The following SORBS3 variants were observed in gnomAD, a reference collection of about 807,000 sequenced individuals.
SORBS3 encodes the protein sorbin and SH3 domain containing 3.
In SORBS3, 69 loss-of-function variants were observed where a neutral mutation model predicts 98.0. That is an observed-to-expected ratio of 0.70 (90% confidence interval 0.58 to 0.86). The LOEUF (loss-of-function observed/expected upper bound fraction) is 0.86, where lower values mean the gene tolerates loss of function less well. SORBS3 is among the 40% of genes least tolerant of loss of function. The pLI, the probability that SORBS3 is intolerant of heterozygous loss-of-function variation, is 0.00. For missense variants in SORBS3, 954 were observed against 908.5 expected (o/e 1.05, Z -0.64); for synonymous variants, 394 against 355.4 (o/e 1.11, Z -1.22).
chr8:22,553,590 CAGA>C lies in SORBS3; in HGVS notation c.-55-856_-55-854del, dbSNP rs773141113. On this transcript the variant is annotated intron_variant, in intron 1 of 20. Transcript: ENST00000240123. ...CCCCTTCCCCAGCCTTGGGATGAGG[CAGA>C]AGAAGCTGGCTGTGGGCAGGCATGG... is the stretch of plus-strand genomic sequence containing the variant. Among the ~76,000 whole-genome samples the C allele has an allele frequency of 3.9e-5, 6 of 152,354 alleles. No individual in the cohort carries two copies. The South Asian group carries it at 6.2e-4, about 16-fold the overall frequency.
upstream of SORBS3, chr8:22,551,809 C>T (rs1218884706): frequency 8.1e-6 from 8 of 985,956 alleles, no homozygotes; most frequent in Non-Finnish European, 9.6e-6. The surrounding 1 kb of genome is among the most constrained non-coding windows in gnomAD (Gnocchi z 5.8). Context: ...GCGACTCTCA[C>T]GGTCCGGCCT....
intron 6 of SORBS3, chr8:22,561,591 C>A: frequency 1.6e-6 from 1 of 617,664 alleles, no homozygotes. Flanking sequence ...TCTGCCACTC[C>A]CTGGCCGGGA....
At chr8:22,561,723 C>G in intron 6 of SORBS3, 142 bp from the exon 7 acceptor site, 1 of 735,350 alleles carries the variant, frequency 1.4e-6, no homozygotes, top group Admixed American at 2.2e-5. Context: ...TGTCCCTGAG[C>G]ACCAACCACC....
At chr8:22,555,190 G>A (rs1840162236) in intron 3 of SORBS3, among the ~76,000 whole-genome samples, 1 of 152,230 alleles carries the variant, frequency 6.6e-6, no homozygotes, top group Non-Finnish European at 1.5e-5. Flanking sequence ...AGAGCAGGCT[G>A]ATGCATCCCT....
upstream of SORBS3, among the ~76,000 whole-genome samples, chr8:22,549,669 A>G (rs908065357): frequency 1.3e-5 from 2 of 152,032 alleles, no homozygotes; most frequent in Non-Finnish European, 2.9e-5. Context: ...GCCCAGGCCT[A>G]AGTAGACAGG....
chr8:22,560,959 G>T, intron 5 of SORBS3: 1 of 209,902 alleles, frequency 4.8e-6, no homozygotes, highest in Non-Finnish European at 9.4e-6. Flanking sequence ...GAGGAGCTAG[G>T]AGTGGGTCTT....
Position 22,565,308 on chromosome 8 carries a change from TGGACAAGGACCTGCG to T in SORBS3, c.860_874del (p.Asp287_Arg291del). ...GAGCTGGCCGAGCTGAGCGCCGAGC[TGGACAAGGACCTGCG>T]GGCAATTGAGACCCGACTGCCGTCC... On this transcript the variant is annotated inframe_deletion, in exon 11 of 21. Coordinates refer to ENST00000240123, the MANE Select transcript of SORBS3 (RefSeq NM_005775.5). 1 of 1,559,632 alleles carries T rather than the reference TGGACAAGGACCTGCG, an allele frequency of 6.4e-7. No individual in the cohort carries two copies. The highest frequency in any genetic ancestry group is 1.2e-5 in the South Asian group (1 of 84,668).
intron 1 of SORBS3, chr8:22,545,508 T>A (rs1840007097): frequency 6.6e-6 from 1 of 152,302 alleles, no homozygotes; most frequent in African/African-American, 2.4e-5. Context: ...AAGATGATAC[T>A]GGAGAGTATA....
chr8:22,550,065 A>G (rs537051218), upstream of SORBS3: 1 of 968,342 alleles, frequency 1.0e-6, no homozygotes, highest in Admixed American at 6.2e-5. Flanking sequence ...ACAGGTGGGA[A>G]AAATGCGTGT....
At position 22,556,700 on chromosome 8, in the gene SORBS3, G is replaced by A. The variant is rs753978017; in HGVS notation, c.221-15G>A. On this transcript the variant is annotated splice_polypyrimidine_tract_variant and intron_variant, in intron 3 of 20. Coordinates refer to ENST00000240123, the MANE Select transcript of SORBS3 (RefSeq NM_005775.5). ...CCCTGCCTTTCACTAATGCTCTCCT[G>A]CACGCACCCAACAGACCCTGCGTGG... is the stretch of plus-strand genomic sequence containing the variant. 4.7e-5 allele frequency: 76 copies of A among 1,612,904 alleles called. No individual in the cohort carries two copies. Among genetic ancestry groups the A allele is most frequent in the Non-Finnish European group, 6.3e-5 (74 of 1,179,648 alleles).
chr8:22,561,248 T>G, intron 5 of SORBS3, 87 bp from the exon 6 acceptor site: 1 of 1,293,592 alleles, frequency 7.7e-7, no homozygotes, highest in Non-Finnish European at 1.1e-6. Flanking sequence ...ACTCTAGGGA[T>G]GTTGGGAGCG....
rs74400886 is a variant in SORBS3 at position 22,554,978 on chromosome 8, C to T, written c.218C>T (p.Pro73Leu). The change falls in exon 3 of 21, where the codon CCG becomes CTG. Residue 73 changes from proline to leucine, a missense_variant and splice_region_variant. Transcript: ENST00000240123. The surrounding 1 kb of genome is among the most constrained non-coding windows in gnomAD (Gnocchi z 6.5). ...YTPRRDASQH[P>L]DPAWYQTWPG... is the part of the protein sequence containing the mutation. ...CCAAGACGAGATGCTTCCCAGCACC[C>T]GGGTAGGTCTGCTCAGGAGCCTCAT... 1,084 of 1,612,396 alleles carry T rather than the reference C, an allele frequency of 6.7e-4. 12 individuals carry two copies. In the African/African-American group the frequency reaches 0.011, roughly 17 times the overall value.
Position 22,554,606 on chromosome 8 carries a change from C to A in SORBS3, c.100C>A (p.Arg34=). ...SHIGSSSRGT[R]VPVIRNGGSN... ...CATAGGGTCTTCCTCCCGGGGGACA[C>A]GGGTGAGTGAGTCAGTAGGGAGGAG... The change falls in exon 2 of 21, where the codon CGG becomes AGG. Residue 34 remains arginine (R), a splice_region_variant and synonymous_variant. Coordinates refer to ENST00000240123, the MANE Select transcript of SORBS3 (RefSeq NM_005775.5). This position sits in a 1 kb window ranked among gnomAD's most constrained non-coding sequence, Gnocchi z 6.5. The A allele has an allele frequency of 1.2e-6, 2 of 1,611,420 alleles. No homozygotes were observed. Among genetic ancestry groups the A allele is most frequent in the African/African-American group, 1.3e-5 (1 of 75,046 alleles).
In SORBS3 at chr8:22,561,853, C is replaced by A. The variant is rs777956356; in HGVS notation, c.518-12C>A. On this transcript the variant is annotated splice_polypyrimidine_tract_variant and intron_variant, in intron 6 of 20. Coordinates refer to ENST00000240123, the MANE Select transcript of SORBS3 (RefSeq NM_005775.5). ...CCACCTTCAATGCTTTCCTCGTGTA[C>A]CTCCTCTGCAGACCCCAGGCATCTA... is the stretch of plus-strand genomic sequence containing the variant. 1 of 1,613,312 alleles carries A rather than the reference C, an allele frequency of 6.2e-7. No homozygotes were observed. Among genetic ancestry groups the A allele is most frequent in the Non-Finnish European group, 8.5e-7 (1 of 1,179,326 alleles).
chr8:22,561,325 G>A lies in SORBS3; in HGVS notation c.479-10G>A. On this transcript the variant is annotated splice_polypyrimidine_tract_variant and intron_variant, in intron 5 of 20. Coordinates refer to ENST00000240123, the MANE Select transcript of SORBS3 (RefSeq NM_005775.5). ...CCCGTCCCATGACCTGGTCCCTTCT[G>A]CTCCTGCAGACTTGCAGCTGGACTG... The A allele has an allele frequency of 1.3e-6, 2 of 1,596,260 alleles. No individual in the cohort carries two copies. Among genetic ancestry groups the A allele is most frequent in the Non-Finnish European group, 1.7e-6 (2 of 1,169,538 alleles).
chr8:22,564,340 T>A lies in SORBS3; in HGVS notation c.733T>A (p.Phe245Ile), dbSNP rs1350482060. 3.7e-6 allele frequency: 6 copies of A among 1,613,900 alleles called. No individual in the cohort carries two copies. Among genetic ancestry groups the A allele is most frequent in the Non-Finnish European group, 5.1e-6 (6 of 1,179,922 alleles). Residue 245 changes from phenylalanine to isoleucine, a missense_variant, in exon 9 of 21, where the codon TTT (phenylalanine) becomes ATT (isoleucine). Phe to Ile is a conservative substitution (Grantham distance 21). Coordinates refer to ENST00000240123, the MANE Select transcript of SORBS3 (RefSeq NM_005775.5). ...NVWTEESWNQ[F>I]LQELETGQRP... ...CTGGACGGAAGAGTCCTGGAACCAG[T>A]TTCTGCAGGAACTAGAGACTGGGCA...
rs1563814159 is a variant in SORBS3, at chr8:22,554,470, G to T, written c.-37G>T. 6.3e-7 allele frequency: 1 copy of T among 1,597,952 alleles called. No individual in the cohort carries two copies. The highest frequency in any genetic ancestry group is 8.5e-7 in the Non-Finnish European group (1 of 1,175,462). The stretch of plus-strand genomic sequence containing the variant: ...CCCACAGAGGACACGCAGAGGAGCA[G>T]CTGGCTTGCCCGGAGTCCTCCCACC... On this transcript the variant is annotated 5_prime_UTR_variant, in exon 2 of 21. Coordinates refer to ENST00000240123, the MANE Select transcript of SORBS3 (RefSeq NM_005775.5). This position sits in a 1 kb window ranked among gnomAD's most constrained non-coding sequence, Gnocchi z 6.5.
Position 22,571,855 on chromosome 8 carries a change from G to T in SORBS3, c.1847+34G>T, listed in dbSNP as rs192331993. The T allele has an allele frequency of 6.1e-5, 87 of 1,431,938 alleles. No homozygotes were observed. The African/African-American group carries it at 6.2e-4, about 10-fold the overall frequency. 88.7% of individuals were successfully genotyped at this position (1,431,938 alleles called of 1,614,324 possible). On this transcript the variant is annotated intron_variant, in intron 19 of 20. Transcript: ENST00000240123. Reference sequence around the variant, plus strand: ...CATCTGAGGGCTCTTGATCAGACGTGGGGGGGGTCACTGGCAGGCAATGCC... The same window carrying T: ...CATCTGAGGGCTCTTGATCAGACGTTGGGGGGGTCACTGGCAGGCAATGCC...
upstream of SORBS3, among the ~76,000 whole-genome samples, chr8:22,549,218 A>G (rs1840048116): frequency 1.3e-5 from 2 of 152,224 alleles, no homozygotes; most frequent in Admixed American, 6.5e-5. Context: ...GCAGGGAGGG[A>G]GGCCCCTCTT....
Sources: gnomAD v4.1 joint callset for allele counts (sites outside exome capture counted in the v4.1 genomes callset) on GRCh38, gnomAD v4.1.1 for gene constraint, Gnocchi (gnomAD v3.1) non-coding constraint, MANE v1.5 for transcripts, NCBI Gene and HGNC (gene_info 2026-07-23, HGNC 2026-07-21) for gene names.